HOXA3: variants seen among roughly 807,000 people sequenced by gnomAD.
HOXA3 encodes homeobox protein Hox-A3.
A neutral mutation model predicts 30.3 loss-of-function variants in HOXA3; 8 were observed. The ratio of observed to expected loss-of-function variants is 0.26; its 90% CI spans 0.15 to 0.48. HOXA3 has a LOEUF of 0.48. Among genes scored for constraint, HOXA3 ranks in the 20% least tolerant of loss-of-function variants. The pLI, the probability that HOXA3 is intolerant of heterozygous loss-of-function variation, is 0.99. For missense variants in HOXA3, 653 were observed against 614.4 expected (o/e 1.06, Z -0.66); for synonymous variants, 323 against 273.1 (o/e 1.18, Z -1.80).
In HOXA3 at chr7:27,143,263, G is replaced by C. The variant is rs1385704399; in HGVS notation, c.-493-3077C>G. On this transcript the variant is annotated intron_variant, in intron 1 of 5. Transcript: ENST00000612286. ...TGCTTAGGGAGTTTTTCCCGCCGTG[G>C]TGGCTGTCGCTGCCGGGCGAGGGGG... 3.7e-6 allele frequency: 6 copies of C among 1,607,722 alleles called. No individual in the cohort carries two copies. In the Admixed American group the frequency reaches 1.0e-4, roughly 27 times the overall value.
intron 2 of HOXA3, among the ~76,000 whole-genome samples, chr7:27,131,038 G>A (rs1201329563): frequency 1.3e-5 from 2 of 152,084 alleles, no homozygotes; most frequent in Non-Finnish European, 2.9e-5. Flanking sequence ...GCTGCTGTCC[G>A]GCCCCTGGGC....
Position 27,110,576 on chromosome 7 carries a change from T to C in HOXA3, c.65A>G (p.Asn22Ser), listed in dbSNP as rs1365636540. The C allele has an allele frequency of 1.2e-6, 2 of 1,607,146 alleles. No homozygotes were observed. The highest frequency in any genetic ancestry group is 1.7e-6 in the Non-Finnish European group (2 of 1,175,194). ...CTGATTGGCATTATAAGCGAACCCG[T>C]TGGCTGCCTGGTAGGGGTAGCCACC... ...IYGGYPYQAA[N>S]GFAYNANQQP... Residue 22 changes from asparagine to serine, a missense_variant, in exon 5 of 6, where the codon AAC (asparagine) becomes AGC (serine). By Grantham distance (46) the Asn-to-Ser change is conservative. This residue lies in a region of HOXA3 where 320 missense variants were observed against 321.9 expected (regional missense o/e 0.99). Coordinates refer to ENST00000612286, the MANE Select transcript of HOXA3 (RefSeq NM_153631.3).
At chr7:27,143,003 G>A in intron 1 of HOXA3, 2 of 1,458,988 alleles carry the variant, frequency 1.4e-6, no homozygotes, top group Non-Finnish European at 1.8e-6. Flanking sequence ...ACCGAGAGCC[G>A]CGTCCCCGCG....
At chr7:27,145,417 G>C in intron 1 of HOXA3, 2 of 610,150 alleles carry the variant, frequency 3.3e-6, no homozygotes, top group Admixed American at 3.0e-5. Context: ...AGTGCGCCCC[G>C]CTCCACCGCT....
chr7:27,137,302 G>A (rs1310048893), intron 2 of HOXA3, among the ~76,000 whole-genome samples: 2 of 152,122 alleles, frequency 1.3e-5, no homozygotes, highest in East Asian at 3.9e-4. Flanking sequence ...ATTAGACCAT[G>A]GAAACCCTAA....
At chr7:27,129,584 A>C (rs766458575) in intron 2 of HOXA3, 172 of 1,610,254 alleles carry the variant, frequency 1.1e-4, no homozygotes, top group Non-Finnish European at 1.4e-4. Flanking sequence ...GAAAACCCAG[A>C]ACCCCGAAAT....
At chr7:27,147,462 C>G in intron 1 of HOXA3, 1 of 1,614,232 alleles carries the variant, frequency 6.2e-7, no homozygotes. Flanking sequence ...CGGGGCCCCT[C>G]TGCTTGCCAC....
chr7:27,136,796 T>C (rs1227048518), intron 2 of HOXA3, among the ~76,000 whole-genome samples: 1 of 152,206 alleles, frequency 6.6e-6, no homozygotes, highest in Non-Finnish European at 1.5e-5. Context: ...ACAAATTTAT[T>C]TGTGAACAAC....
At chr7:27,117,377 T>G (rs1463857960) in intron 4 of HOXA3, among the ~76,000 whole-genome samples, 3 of 152,160 alleles carry the variant, frequency 2.0e-5, no homozygotes, top group Non-Finnish European at 2.9e-5. Flanking sequence ...CCTGGCTCCC[T>G]CCTTCCTCTG....
intron 4 of HOXA3, among the ~76,000 whole-genome samples, chr7:27,112,123 T>C (rs1379412278): frequency 6.6e-6 from 1 of 152,256 alleles, no homozygotes; most frequent in Non-Finnish European, 1.5e-5. Flanking sequence ...TTTCAACCAC[T>C]GCATGGTCAA....
Position 27,132,691 on chromosome 7 carries a change from A to G in HOXA3, c.-389-5621T>C, listed in dbSNP as rs539286257. Among the ~76,000 whole-genome samples the G allele has an allele frequency of 2.0e-5, 3 of 152,376 alleles. No individual in the cohort carries two copies. In the South Asian group the frequency reaches 6.2e-4, roughly 32 times the overall value. ...CCTCTCTAGACTGGAGGAAAAATTT[A>G]GAATGTGATACATCTACCTGAACCA... On this transcript the variant is annotated intron_variant, in intron 2 of 5. Transcript: ENST00000612286.
chr7:27,144,602 C>T (rs960569260), intron 1 of HOXA3, among the ~76,000 whole-genome samples: 1 of 152,192 alleles, frequency 6.6e-6, no homozygotes, highest in South Asian at 2.1e-4. Flanking sequence ...CGAGTGGGCC[C>T]AGGCTCCCTG....
At chr7:27,130,082 G>GC (rs1785457895) in intron 2 of HOXA3, 1 of 1,562,430 alleles carries the variant, frequency 6.4e-7, no homozygotes. Flanking sequence ...CCCAGCCCCG[G>GC]CCCACCTCCC....
intron 3 of HOXA3, 64 bp downstream of exon 3, chr7:27,126,822 G>T (rs1446906719): frequency 1.3e-5 from 2 of 152,138 alleles, no homozygotes; most frequent in Non-Finnish European, 2.9e-5. Flanking sequence ...ACTGCCTGCA[G>T]CATGAAGCTA....
At chr7:27,119,856 A>G (rs1008195331) in intron 4 of HOXA3, among the ~76,000 whole-genome samples, 2 of 152,196 alleles carry the variant, frequency 1.3e-5, no homozygotes, top group Admixed American at 6.5e-5. Flanking sequence ...GCTGGTGACA[A>G]TATTTCAGTA....
intron 2 of HOXA3, among the ~76,000 whole-genome samples, chr7:27,131,694 G>C (rs570278653): frequency 6.6e-6 from 1 of 152,144 alleles, no homozygotes; most frequent in Non-Finnish European, 1.5e-5. Context: ...CCACAGAACC[G>C]AGCTTTGAAA....
chr7:27,109,508 T>A (rs12112831), intron 5 of HOXA3, among the ~76,000 whole-genome samples: 1 of 152,214 alleles, frequency 6.6e-6, no homozygotes, highest in Non-Finnish European at 1.5e-5. Context: ...GGGCCTTTCC[T>A]CTACTGGAGC....
chr7:27,128,218 GC>G (rs1785365101), intron 2 of HOXA3: 1 of 152,222 alleles, frequency 6.6e-6, no homozygotes, highest in South Asian at 2.1e-4. Context: ...ACGTTTCTAT[GC>G]CTTACAGAGA....
chr7:27,144,899 G>C (rs1782696105), intron 1 of HOXA3, among the ~76,000 whole-genome samples: 1 of 152,222 alleles, frequency 6.6e-6, no homozygotes, highest in Non-Finnish European at 1.5e-5. Context: ...GTTGGGTCCT[G>C]AACGCTGCTG....
Sources: gnomAD v4.1 joint callset for allele counts (sites outside exome capture counted in the v4.1 genomes callset) on GRCh38, gnomAD v4.1.1 for gene constraint, gnomAD v4.1.1 regional missense constraint, MANE v1.5 for transcripts, NCBI Gene and HGNC (gene_info 2026-07-23, HGNC 2026-07-21) for gene names.